Variants in ADGRF3 observed in about 807,000 individuals in gnomAD.
The protein encoded by ADGRF3 is adhesion G protein-coupled receptor F3.
A neutral mutation model predicts 93.2 loss-of-function variants in ADGRF3; 85 were observed. The ratio of observed to expected loss-of-function variants is 0.91; its 90% CI spans 0.77 to 1.09. ADGRF3 has a LOEUF of 1.09. Among genes scored for constraint, ADGRF3 ranks in the 50% least tolerant of loss-of-function variants. The pLI is 0.00. For missense variants in ADGRF3, 1,125 were observed against 1,246.2 expected (o/e 0.90, Z 1.46); for synonymous variants, 534 against 532.5 (o/e 1.00, Z -0.04).
At chr2:26,313,654 C>G in intron 7 of ADGRF3, 81 bp from the exon 8 acceptor site, 1 of 1,561,666 alleles carries the variant, frequency 6.4e-7, no homozygotes, top group South Asian at 1.2e-5. Flanking sequence ...ATGCGGGCCC[C>G]GAAGCCTGGT....
At chr2:26,309,404 C>G (rs1261516281) in intron 13 of ADGRF3, 122 bp downstream of exon 13, 3 of 1,530,140 alleles carry the variant, frequency 2.0e-6, no homozygotes, top group African/African-American at 2.8e-5. Context: ...GTTTCCTACC[C>G]TTTGGTGTGG....
Position 26,341,029 on chromosome 2 carries a change from C to T in ADGRF3, c.114+5092G>A, listed in dbSNP as rs1016078182. ...GAATGTTTAAACTGTCTCTAGACTT[C>T]GAATGACTACTGACACTACTGGTTT... On this transcript the variant is annotated intron_variant, in intron 1 of 13. Transcript: ENST00000651242. Among the ~76,000 whole-genome samples, 50 of 152,044 alleles carry T rather than the reference C, an allele frequency of 3.3e-4. 1 individual carries two copies. The highest frequency in any genetic ancestry group is 1.0e-4 in the Non-Finnish European group (7 of 68,012).
In ADGRF3 at chr2:26,311,047, G is replaced by A. The variant is rs1450102950; in HGVS notation, c.2477C>T (p.Pro826Leu). ...PLMVLLGYLC[P>L]LGLAGVTLGL... ...CAGGGTGACACCTGCCAACCCCAGT[G>A]GGCACAGGTAGCCCAGGAGCACCAT... The change falls in exon 10 of 14, where the codon CCA (proline) becomes CTA (leucine). Residue 826 changes from proline (P) to leucine (L), a missense_variant. By Grantham distance (98) the Pro-to-Leu change is moderately conservative. Transcript: ENST00000651242. 3.1e-6 allele frequency: 5 copies of A among 1,610,054 alleles called. No homozygotes were observed. Among genetic ancestry groups the A allele is most frequent in the African/African-American group, 1.3e-5 (1 of 74,800 alleles).
intron 1 of ADGRF3, among the ~76,000 whole-genome samples, chr2:26,329,656 A>T (rs1675653746): frequency 6.6e-6 from 1 of 152,228 alleles, no homozygotes. Flanking sequence ...AAGTCACTAC[A>T]TTTGTAGGTA....
chr2:26,343,231 G>C (rs1676488513), intron 1 of ADGRF3, among the ~76,000 whole-genome samples: 1 of 152,042 alleles, frequency 6.6e-6, no homozygotes, highest in South Asian at 2.1e-4. Context: ...TGGTTATATG[G>C]AGCATGACTA....
intron 10 of ADGRF3, 96 bp from the exon 11 acceptor site, chr2:26,310,333 C>A: frequency 7.4e-7 from 1 of 1,354,462 alleles, no homozygotes. Flanking sequence ...CATCCTAAGG[C>A]TTCTCATCTC....
chr2:26,313,257 T>C (rs1324727503), intron 8 of ADGRF3, 120 bp downstream of exon 8: 3 of 1,433,314 alleles, frequency 2.1e-6, no homozygotes, highest in South Asian at 1.3e-5. Context: ...AGGGCTCCAC[T>C]TCAGAGAAGC....
Position 26,309,540 on chromosome 2 carries a change from T to C in ADGRF3, c.2979A>G (p.Gly993=). 6.2e-7 allele frequency: 1 copy of C among 1,612,648 alleles called. No homozygotes were observed. Among genetic ancestry groups the C allele is most frequent in the Admixed American group, 1.7e-5 (1 of 59,854 alleles). The part of the protein sequence containing the change: ...EGCILEHSKG[G]SDTARKTDAS... Reference sequence around the variant, plus strand: ...CTAGTTCTCACCTGGCAGTGTCGCTTCCTCCTTTGCTGTGTTCCAAGATGC... The same window carrying C: ...CTAGTTCTCACCTGGCAGTGTCGCTCCCTCCTTTGCTGTGTTCCAAGATGC... The change falls in exon 13 of 14, where the codon GGA becomes GGG. Residue 993 remains glycine, a synonymous_variant. Transcript: ENST00000651242.
At chr2:26,309,408 G>A in intron 13 of ADGRF3, 118 bp downstream of exon 13, 1 of 1,534,298 alleles carries the variant, frequency 6.5e-7, no homozygotes, top group Non-Finnish European at 8.8e-7. Flanking sequence ...CCTACCCTTT[G>A]GTGTGGGCTG....
chr2:26,341,786 C>T (rs1676409541), intron 1 of ADGRF3, among the ~76,000 whole-genome samples: 1 of 151,948 alleles, frequency 6.6e-6, no homozygotes, highest in Non-Finnish European at 1.5e-5. Context: ...TAAAAACTGA[C>T]TTGTGAGCTG....
At chr2:26,332,289 C>T (rs1183724355) in intron 1 of ADGRF3, among the ~76,000 whole-genome samples, 1 of 152,142 alleles carries the variant, frequency 6.6e-6, no homozygotes, top group Non-Finnish European at 1.5e-5. Flanking sequence ...CAGAGAACTA[C>T]AGTACTGCAG....
At chr2:26,336,558 T>A (rs1676050735) in intron 1 of ADGRF3, among the ~76,000 whole-genome samples, 1 of 151,426 alleles carries the variant, frequency 6.6e-6, no homozygotes, top group South Asian at 2.1e-4. Context: ...AAACCCTGTC[T>A]CTACTAAAAA....
chr2:26,336,454 A>G (rs1390956436), intron 1 of ADGRF3, among the ~76,000 whole-genome samples: 1 of 152,034 alleles, frequency 6.6e-6, no homozygotes, highest in Non-Finnish European at 1.5e-5. Context: ...GGCTAGGCGC[A>G]GTGGCTCATG....
At chr2:26,316,095 C>G in intron 4 of ADGRF3, 180 bp downstream of exon 4, 1 of 659,916 alleles carries the variant, frequency 1.5e-6, no homozygotes, top group East Asian at 2.7e-5. Context: ...CATTAGTCTC[C>G]CTACTCAGGT....
At chr2:26,317,199 G>A in intron 2 of ADGRF3, 144 bp from the exon 3 acceptor site, 1 of 874,048 alleles carries the variant, frequency 1.1e-6, no homozygotes, top group South Asian at 1.7e-5. Flanking sequence ...TATAGACAGG[G>A]CTCAGGAAGG....
intron 1 of ADGRF3, among the ~76,000 whole-genome samples, chr2:26,320,436 C>A (rs1297420353): frequency 6.6e-6 from 1 of 152,126 alleles, no homozygotes; most frequent in South Asian, 2.1e-4. Flanking sequence ...GCGGAGGTTG[C>A]AGTGAGCTGA....
At position 26,312,950 on chromosome 2, in the gene ADGRF3, G is replaced by A. The variant is rs770183615; in HGVS notation, c.1442C>T (p.Ala481Val). 1.2e-6 allele frequency: 2 copies of A among 1,609,658 alleles called. No individual in the cohort carries two copies. Among genetic ancestry groups the A allele is most frequent in the Non-Finnish European group, 1.7e-6 (2 of 1,177,958 alleles). Residue 481 changes from alanine (A) to valine (V), a missense_variant, in exon 9 of 14, where the codon GCC becomes GTC. Ala to Val is a moderately conservative substitution (Grantham distance 64, BLOSUM62 0). Transcript: ENST00000651242. ...AEARIQLDRR[A>V]LKNLLIATDK... ...GTGGCTCAGAGATCTCACCTTCAGG[G>A]CTCTGCGGTCAAGCTGTATTCTGGC...
chr2:26,318,569 G>T (rs1489703785), intron 1 of ADGRF3, among the ~76,000 whole-genome samples: 1 of 152,156 alleles, frequency 6.6e-6, no homozygotes, highest in Non-Finnish European at 1.5e-5. Flanking sequence ...CTATTGAGGA[G>T]AACACAGATG....
chr2:26,317,517 C>T lies in ADGRF3; in HGVS notation c.160G>A (p.Asp54Asn), dbSNP rs775954795. 13 of 1,590,692 alleles carry T rather than the reference C, an allele frequency of 8.2e-6. 1 individual carries two copies. The highest frequency in any genetic ancestry group is 2.3e-5 in the East Asian group (1 of 43,592). The change falls in exon 2 of 14, where the codon GAC (aspartate) becomes AAC (asparagine). Residue 54 changes from aspartate to asparagine, a missense_variant. Asp to Asn is a conservative substitution (Grantham distance 23, BLOSUM62 1). Coordinates refer to ENST00000651242, the MANE Select transcript of ADGRF3 (RefSeq NM_001321971.2). ...TCACCCCCTGCTCCATTCTCTTGGT[C>T]CAGGAGCTGCCCAGATCCAGATTCC... The part of the protein sequence containing the change: ...GGESGSGQLL[D>N]QENGAGESAL...
Sources: gnomAD v4.1 joint callset for allele counts (sites outside exome capture counted in the v4.1 genomes callset) on GRCh38, gnomAD v4.1.1 for gene constraint, MANE v1.5 for transcripts, NCBI Gene and HGNC (gene_info 2026-07-23, HGNC 2026-07-21) for gene names.